CTNNA3: variants seen among roughly 807,000 people sequenced by gnomAD.
CTNNA3 encodes catenin alpha-3.
Under a neutral mutation model 95.7 loss-of-function variants are expected in CTNNA3, and 76 were observed. The ratio of observed to expected loss-of-function variants is 0.79; its 90% confidence interval spans 0.66 to 0.96. CTNNA3 has a LOEUF of 0.96. CTNNA3 is among the 40% of genes least tolerant of loss of function. The pLI is 0.00. For synonymous variants in CTNNA3, 431 were observed against 374.4 expected, an observed-to-expected ratio of 1.15 and a Z score of -1.74; for missense variants, 1,191 against 1,089.8, an observed-to-expected ratio of 1.09 and a Z score of -1.31.
intron 13 of CTNNA3, among the ~76,000 whole-genome samples, chr10:66,254,769 T>C (rs765926502): frequency 1.3e-5 from 2 of 152,192 alleles, no homozygotes; most frequent in Admixed American, 6.5e-5. Context: ...AAACCAATGA[T>C]CTTTGGCTGA....
rs563873671 is a variant in CTNNA3, at chr10:66,383,740, C to T, written c.1532-4388G>A. Among the ~76,000 whole-genome samples the T allele has an allele frequency of 7.9e-5, 12 of 152,232 alleles. No individual in the cohort carries two copies. The South Asian group carries it at 8.3e-4, about 11-fold the overall frequency. ...AAAGGGAAGCCCATCAGACTAACAG[C>T]AGATCTCTTGGCAGAAACCCTACAA... On this transcript the variant is annotated intron_variant, in intron 11 of 17. Transcript: ENST00000433211.
intron 7 of CTNNA3, among the ~76,000 whole-genome samples, chr10:66,880,820 T>C (rs977974902): frequency 8.5e-5 from 13 of 152,156 alleles, no homozygotes; most frequent in Non-Finnish European, 5.9e-5. Context: ...TTTCCTAAAA[T>C]GCTAAATTGG....
intron 7 of CTNNA3, among the ~76,000 whole-genome samples, chr10:67,055,789 A>C (rs1855392967): frequency 6.6e-6 from 1 of 152,118 alleles, no homozygotes; most frequent in South Asian, 2.1e-4. Context: ...AAAAGCCATA[A>C]GGATATCAGG....
chr10:67,405,098 C>T (rs943921111), intron 5 of CTNNA3, among the ~76,000 whole-genome samples: 3 of 152,080 alleles, frequency 2.0e-5, no homozygotes, highest in African/African-American at 7.2e-5. Flanking sequence ...CCAGCCTCTA[C>T]AAAAATACAC....
At chr10:67,646,784 A>G (rs2133480294) in intron 2 of CTNNA3, among the ~76,000 whole-genome samples, 1 of 152,200 alleles carries the variant, frequency 6.6e-6, no homozygotes, top group East Asian at 1.9e-4. Context: ...AAAAATTTAA[A>G]TCTATACCAC....
At chr10:66,893,556 C>G (rs1295606792) in intron 7 of CTNNA3, among the ~76,000 whole-genome samples, 1 of 149,506 alleles carries the variant, frequency 6.7e-6, no homozygotes, top group Non-Finnish European at 1.5e-5. Context: ...AAAAAAAAAA[C>G]CCATTTAATT....
In CTNNA3 at chr10:67,253,585, A is replaced by G. The variant is rs546038136; in HGVS notation, c.580-33715T>C. Among the ~76,000 whole-genome samples the G allele has an allele frequency of 2.1e-4, 32 of 152,290 alleles. No homozygotes were observed. The South Asian group carries it at 5.6e-3, about 27-fold the overall frequency. ...CTTTCCCTCTCCTACACTTAAGTCA[A>G]GTCCTGGGAATGGCATAAGTATATA... On this transcript the variant is annotated intron_variant, in intron 5 of 17. Transcript: ENST00000433211.
chr10:67,072,212 C>T (rs1856504313), intron 7 of CTNNA3, among the ~76,000 whole-genome samples: 1 of 152,166 alleles, frequency 6.6e-6, no homozygotes, highest in South Asian at 2.1e-4. Flanking sequence ...CCTTAGCCTC[C>T]CAAAGTGCTG....
At chr10:67,410,372 G>A (rs1394577228) in intron 5 of CTNNA3, among the ~76,000 whole-genome samples, 1 of 152,068 alleles carries the variant, frequency 6.6e-6, no homozygotes, top group Admixed American at 6.6e-5. Context: ...GGTGAGAGGA[G>A]GGAGAGGATG....
At chr10:66,368,110 C>A (rs12254196) in intron 12 of CTNNA3, among the ~76,000 whole-genome samples, 2,501 of 132,180 alleles carry the variant, frequency 0.019, 55 homozygotes, top group African/African-American at 0.067. Flanking sequence ...ACTTTCAAGT[C>A]ATTTCTCAAG....
At chr10:66,875,328 G>A (rs1322233566) in intron 7 of CTNNA3, among the ~76,000 whole-genome samples, 2 of 151,646 alleles carry the variant, frequency 1.3e-5, no homozygotes, top group Non-Finnish European at 2.9e-5. Flanking sequence ...CCTATTCATG[G>A]ATTCTCATCA....
chr10:67,740,817 C>A (rs1841332767), intron 1 of CTNNA3, among the ~76,000 whole-genome samples: 1 of 151,338 alleles, frequency 6.6e-6, no homozygotes, highest in East Asian at 1.9e-4. Context: ...GGGTAAATAT[C>A]CAAAGGACTA....
chr10:66,643,905 A>T (rs1405184469), intron 9 of CTNNA3, among the ~76,000 whole-genome samples: 15 of 152,308 alleles, frequency 9.8e-5, no homozygotes, highest in South Asian at 8.3e-4. Flanking sequence ...GATGTGTAAC[A>T]GCTCTAGTAG....
At chr10:67,616,285 T>A (rs1230144804) in intron 2 of CTNNA3, among the ~76,000 whole-genome samples, 1 of 152,216 alleles carries the variant, frequency 6.6e-6, no homozygotes, top group Non-Finnish European at 1.5e-5. Flanking sequence ...GACTGGAAGT[T>A]ACTGAAGTGC....
chr10:67,125,420 AT>A (rs372476131), intron 7 of CTNNA3, among the ~76,000 whole-genome samples: 233 of 152,280 alleles, frequency 1.5e-3, no homozygotes, highest in African/African-American at 4.8e-3. Flanking sequence ...TTATAAAAAA[AT>A]GAATCATTAG....
chr10:66,336,294 T>A (rs2132338822), intron 12 of CTNNA3, among the ~76,000 whole-genome samples: 1 of 152,126 alleles, frequency 6.6e-6, no homozygotes, highest in East Asian at 1.9e-4. Flanking sequence ...CAGTTGGAAA[T>A]GCAGAAATCA....
At chr10:67,265,853 C>T (rs374663149) in intron 5 of CTNNA3, among the ~76,000 whole-genome samples, 6 of 152,238 alleles carry the variant, frequency 3.9e-5, no homozygotes, top group South Asian at 2.1e-4. Flanking sequence ...ACTGACCTGC[C>T]GCAGAGAAAA....
chr10:66,406,462 G>A (rs954113575), intron 11 of CTNNA3, among the ~76,000 whole-genome samples: 11 of 152,152 alleles, frequency 7.2e-5, no homozygotes, highest in African/African-American at 1.9e-4. Context: ...TTTTCAAAAT[G>A]TATATGAATT....
intron 12 of CTNNA3, among the ~76,000 whole-genome samples, chr10:66,283,458 AATTTAAAGT>A (rs2091529399): frequency 1.3e-5 from 2 of 151,836 alleles, no homozygotes; most frequent in African/African-American, 2.4e-5. Flanking sequence ...AAAAAAGAAA[AATTTAAAGT>A]CATGTAAAGA....
Sources: gnomAD v4.1 joint callset for allele counts (sites outside exome capture counted in the v4.1 genomes callset) on GRCh38, gnomAD v4.1.1 for gene constraint, MANE v1.5 for transcripts, NCBI Gene and HGNC (gene_info 2026-07-23, HGNC 2026-07-21) for gene names.